ASAP1: variants seen among roughly 807,000 people sequenced by gnomAD.
ASAP1 encodes arf-GAP with SH3 domain, ANK repeat and PH domain-containing protein 1.
Under a neutral mutation model 145.2 loss-of-function variants are expected in ASAP1, and 43 were observed. The ratio of observed to expected loss-of-function variants is 0.30; its 90% CI spans 0.23 to 0.38. ASAP1 has a LOEUF of 0.38. Ranked by LOEUF, ASAP1 falls within the 10% of genes least tolerant of loss-of-function variation. The probability of loss-of-function intolerance (pLI) is 1.00; values close to 1 mark genes in which losing one functional copy is unlikely to be tolerated. For missense variants in ASAP1, 1,018 were observed against 1,355.3 expected, an observed-to-expected ratio of 0.75 and a Z score of 3.91; for synonymous variants, 546 against 515.5, an observed-to-expected ratio of 1.06 and a Z score of -0.80.
intron 12 of ASAP1, among the ~76,000 whole-genome samples, chr8:130,157,945 G>C (rs1412276163): frequency 1.3e-5 from 2 of 152,066 alleles, no homozygotes; most frequent in African/African-American, 4.8e-5. Flanking sequence ...TAGAATGTCA[G>C]CTCTATCAGG....
chr8:130,369,222 T>G (rs183212983), intron 2 of ASAP1, among the ~76,000 whole-genome samples: 2 of 152,348 alleles, frequency 1.3e-5, no homozygotes, highest in East Asian at 3.8e-4. Flanking sequence ...TGTTTACATA[T>G]ACATAATGAG....
intron 13 of ASAP1, among the ~76,000 whole-genome samples, chr8:130,146,701 GAATGTT>G (rs2097631628): frequency 6.6e-6 from 1 of 152,182 alleles, no homozygotes; most frequent in African/African-American, 2.4e-5. Flanking sequence ...CCTGGAAGCT[GAATGTT>G]ATCTTCAGCG....
intron 3 of ASAP1, among the ~76,000 whole-genome samples, chr8:130,304,804 T>A (rs1224480272): frequency 6.6e-6 from 1 of 152,176 alleles, no homozygotes; most frequent in Non-Finnish European, 1.5e-5. Flanking sequence ...GTTTTAAGTG[T>A]AAATATGGTA....
chr8:130,207,624 A>G (rs887712647), intron 5 of ASAP1, among the ~76,000 whole-genome samples: 1 of 152,244 alleles, frequency 6.6e-6, no homozygotes, highest in Non-Finnish European at 1.5e-5. Context: ...ACAAGCCCAC[A>G]CAAGTAAGAT....
chr8:130,375,747 C>T (rs1387083083), intron 2 of ASAP1, among the ~76,000 whole-genome samples: 1 of 152,106 alleles, frequency 6.6e-6, no homozygotes, highest in Non-Finnish European at 1.5e-5. Flanking sequence ...CTTACACTAT[C>T]CTGTGAGTGG....
At position 130,327,926 on chromosome 8, in the gene ASAP1, T is replaced by C. The variant is rs75967395; in HGVS notation, c.186+30091A>G. 4.5e-3 allele frequency among the ~76,000 whole-genome samples: 690 copies of C among 152,304 alleles called. 4 individuals are homozygous for C. Among genetic ancestry groups the C allele is most frequent in the African/African-American group, 0.016 (655 of 41,558 alleles). On this transcript the variant is annotated intron_variant, in intron 3 of 29. Transcript: ENST00000518721. ...AATAAAGCTATTTTTTAAATGATGG[T>C]TTGGTAGACTAATGACATGGAGAAA...
At chr8:130,357,993 G>T in intron 3 of ASAP1, 24 bp downstream of exon 3, 1 of 1,593,758 alleles carries the variant, frequency 6.3e-7, no homozygotes, top group Non-Finnish European at 8.5e-7. Context: ...GAGCGTGGAC[G>T]GCGGGGGTCC....
At chr8:130,158,170 G>A (rs996670320) in intron 12 of ASAP1, among the ~76,000 whole-genome samples, 7 of 151,816 alleles carry the variant, frequency 4.6e-5, no homozygotes, top group African/African-American at 9.7e-5. Context: ...CAAGGAGTAC[G>A]TATCCACAAG....
At chr8:130,334,213 T>C (rs1383182264) in intron 3 of ASAP1, among the ~76,000 whole-genome samples, 8 of 152,134 alleles carry the variant, frequency 5.3e-5, no homozygotes, top group Non-Finnish European at 1.2e-4. Context: ...CCACAAAAAG[T>C]TGCTGAGGCA....
At chr8:130,107,827 G>A (rs1370334871) in intron 24 of ASAP1, among the ~76,000 whole-genome samples, 2 of 152,212 alleles carry the variant, frequency 1.3e-5, no homozygotes, top group Admixed American at 1.3e-4. Flanking sequence ...GGGATTACAG[G>A]CATGAGACAC....
At chr8:130,342,413 C>G (rs1157799259) in intron 3 of ASAP1, among the ~76,000 whole-genome samples, 1 of 152,160 alleles carries the variant, frequency 6.6e-6, no homozygotes, top group Non-Finnish European at 1.5e-5. Context: ...AAGTACTCAG[C>G]ATGAAACCCA....
At chr8:130,144,822 C>G (rs1282855280) in intron 13 of ASAP1, among the ~76,000 whole-genome samples, 1 of 152,194 alleles carries the variant, frequency 6.6e-6, no homozygotes, top group African/African-American at 2.4e-5. Context: ...ACATTTATCA[C>G]TGTATCTCCC....
chr8:130,094,382 T>A (rs1387970052), intron 24 of ASAP1, among the ~76,000 whole-genome samples: 1 of 152,130 alleles, frequency 6.6e-6, no homozygotes, highest in Non-Finnish European at 1.5e-5. Context: ...AGCTAATTTT[T>A]AAAAATTTTT....
intron 15 of ASAP1, among the ~76,000 whole-genome samples, chr8:130,132,640 G>A (rs565935313): frequency 3.5e-4 from 53 of 152,270 alleles, no homozygotes; most frequent in African/African-American, 1.2e-3. Flanking sequence ...GCACCATGTC[G>A]TACCAACAGC....
At chr8:130,314,168 TC>T (rs1452165043) in intron 3 of ASAP1, among the ~76,000 whole-genome samples, 1 of 152,062 alleles carries the variant, frequency 6.6e-6, no homozygotes, top group Non-Finnish European at 1.5e-5. Flanking sequence ...GTAAGCTTCC[TC>T]CCCCCACTTA....
intron 27 of ASAP1, among the ~76,000 whole-genome samples, chr8:130,071,011 GGAGAGAGA>G (rs1230151527): frequency 8.7e-5 from 1 of 11,438 alleles, no homozygotes; most frequent in East Asian, 3.9e-3. Context: ...GGGGAGGGGG[GGAGAGAGA>G]GAGAGAGAGA....
chr8:130,404,424 G>A (rs1179990073), intron 1 of ASAP1, among the ~76,000 whole-genome samples: 1 of 152,172 alleles, frequency 6.6e-6, no homozygotes, highest in Non-Finnish European at 1.5e-5. Context: ...GGACAGTGTG[G>A]TACTGGCATA....
intron 2 of ASAP1, among the ~76,000 whole-genome samples, chr8:130,381,517 G>T (rs1183646512): frequency 1.3e-5 from 2 of 151,194 alleles, no homozygotes; most frequent in East Asian, 3.9e-4. Flanking sequence ...ACTTGAAGTG[G>T]CTACTGTATT....
chr8:130,270,277 A>G (rs778016766), intron 3 of ASAP1, among the ~76,000 whole-genome samples: 2 of 152,238 alleles, frequency 1.3e-5, no homozygotes, highest in Non-Finnish European at 2.9e-5. Flanking sequence ...AATAAGATGA[A>G]ACTTTTTCTT....
Sources: allele counts gnomAD v4.1 joint callset (sites outside exome capture counted in the v4.1 genomes callset), GRCh38; gene constraint gnomAD v4.1.1; transcripts MANE v1.5; gene names NCBI Gene and HGNC (gene_info 2026-07-23, HGNC 2026-07-21).